Variants in FOXP2 observed in about 807,000 individuals in gnomAD.
FOXP2 encodes forkhead box protein P2.
In FOXP2, 12 loss-of-function variants were observed where a neutral mutation model predicts 115.8. The ratio of observed to expected loss-of-function variants is 0.10; its 90% CI spans 0.07 to 0.17. The LOEUF (loss-of-function observed/expected upper bound fraction) is 0.17. FOXP2 is among the 10% of genes least tolerant of loss of function. The pLI is 1.00. For missense variants in FOXP2, 629 were observed against 843.5 expected, an observed-to-expected ratio of 0.75 and a Z score of 3.15; for synonymous variants, 328 against 297.7, an observed-to-expected ratio of 1.10 and a Z score of -1.05.
chr7:114,176,465 G>A (rs1019730714), intron 1 of FOXP2, among the ~76,000 whole-genome samples: 1 of 151,472 alleles, frequency 6.6e-6, no homozygotes, highest in African/African-American at 2.4e-5. Flanking sequence ...CAGCTCCCCT[G>A]AGTAGCTGGG....
intron 10 of FOXP2, among the ~76,000 whole-genome samples, chr7:114,657,089 A>T (rs1806630420): frequency 6.6e-6 from 1 of 152,150 alleles, no homozygotes; most frequent in South Asian, 2.1e-4. Context: ...ATACCATTTA[A>T]ATGTATGGCA....
At chr7:114,439,943 A>G (rs912258379) in intron 2 of FOXP2, among the ~76,000 whole-genome samples, 1 of 152,176 alleles carries the variant, frequency 6.6e-6, no homozygotes, top group Admixed American at 6.5e-5. Context: ...ATGCCCAGTA[A>G]AGATGGTTGC....
intron 1 of FOXP2, among the ~76,000 whole-genome samples, chr7:114,124,785 T>C (rs1791661175): frequency 6.6e-6 from 1 of 151,924 alleles, no homozygotes; most frequent in Admixed American, 6.6e-5. Flanking sequence ...CCTTTCTCCA[T>C]TCCCTCCATT....
chr7:114,488,270 C>T (rs1014120064), intron 2 of FOXP2, among the ~76,000 whole-genome samples: 5 of 152,090 alleles, frequency 3.3e-5, no homozygotes, highest in African/African-American at 1.2e-4. Context: ...ATTCAGTTAC[C>T]TCCCACCGGG....
intron 2 of FOXP2, among the ~76,000 whole-genome samples, chr7:114,363,857 A>G (rs1791812761): frequency 6.6e-6 from 1 of 152,134 alleles, no homozygotes; most frequent in African/African-American, 2.4e-5. Context: ...ATGACAAGGG[A>G]GCAAACTTAT....
intron 2 of FOXP2, among the ~76,000 whole-genome samples, chr7:114,511,851 A>T (rs1798094339): frequency 6.6e-6 from 1 of 152,074 alleles, no homozygotes; most frequent in Non-Finnish European, 1.5e-5. Context: ...ATTCTGCATA[A>T]TCATTTACTT....
intron 2 of FOXP2, among the ~76,000 whole-genome samples, chr7:114,492,740 A>C (rs528707626): frequency 5.9e-5 from 9 of 151,758 alleles, no homozygotes; most frequent in Non-Finnish European, 8.8e-5. Context: ...GTTTCTTAAT[A>C]CTGAGTTCTA....
intron 2 of FOXP2, among the ~76,000 whole-genome samples, chr7:114,512,512 C>A (rs1798125416): frequency 6.6e-6 from 1 of 152,100 alleles, no homozygotes; most frequent in East Asian, 1.9e-4. Flanking sequence ...TGTAACAGTT[C>A]TCATGGAAGC....
chr7:114,685,043 T>C (rs1298348226), intron 16 of FOXP2, among the ~76,000 whole-genome samples: 1 of 152,116 alleles, frequency 6.6e-6, no homozygotes, highest in Non-Finnish European at 1.5e-5. Context: ...ATAACACTGA[T>C]AAACATCTCT....
intron 2 of FOXP2, among the ~76,000 whole-genome samples, chr7:114,528,453 A>G (rs1798979494): frequency 6.6e-6 from 1 of 152,066 alleles, no homozygotes; most frequent in African/African-American, 2.4e-5. Flanking sequence ...CACCCCTTCT[A>G]TCTCCACAAG....
At chr7:114,463,611 T>C (rs1204561576) in intron 2 of FOXP2, among the ~76,000 whole-genome samples, 1 of 152,224 alleles carries the variant, frequency 6.6e-6, no homozygotes, top group Non-Finnish European at 1.5e-5. Context: ...TGTAATCATT[T>C]TATGGGAAAT....
At chr7:114,463,832 A>C (rs950656738) in intron 2 of FOXP2, among the ~76,000 whole-genome samples, 1 of 152,196 alleles carries the variant, frequency 6.6e-6, no homozygotes, top group Admixed American at 6.5e-5. Flanking sequence ...TATTATTTCA[A>C]TACAAGTGTC....
chr7:114,360,258 G>A (rs1791715394), intron 2 of FOXP2, among the ~76,000 whole-genome samples: 1 of 152,112 alleles, frequency 6.6e-6, no homozygotes, highest in Non-Finnish European at 1.5e-5. Flanking sequence ...GGCCTCCCCA[G>A]CCATGTGAAG....
intron 3 of FOXP2, among the ~76,000 whole-genome samples, chr7:114,578,654 T>C (rs1801692730): frequency 6.6e-6 from 1 of 152,116 alleles, no homozygotes; most frequent in South Asian, 2.1e-4. Flanking sequence ...TGATCACATT[T>C]ACCTATGAAA....
intron 2 of FOXP2, among the ~76,000 whole-genome samples, chr7:114,500,856 G>T (rs1013066080): frequency 6.6e-6 from 1 of 152,172 alleles, no homozygotes; most frequent in African/African-American, 2.4e-5. Flanking sequence ...GATAAAGATG[G>T]GGAATTGTTG....
chr7:114,330,700 CT>C (rs1298369231), intron 2 of FOXP2, among the ~76,000 whole-genome samples: 3 of 151,728 alleles, frequency 2.0e-5, no homozygotes, highest in African/African-American at 7.3e-5. Context: ...CAGAAGTCCC[CT>C]AATTACCTTT....
At position 114,690,591 on chromosome 7, in the gene FOXP2, T is replaced by C. The variant is rs1188879323; in HGVS notation, c.*665T>C. 2.2e-6 allele frequency: 1 copy of C among 454,110 alleles called. No homozygotes were observed. Among genetic ancestry groups the C allele is most frequent in the East Asian group, 6.9e-5 (1 of 14,400 alleles). The allele number at this position is 454,110 out of a possible 1,614,324, so 28.1% of individuals were successfully genotyped here. ...ACCTTAGGCTTCCAGTCTGTGCTGT[T>C]AGTGTTAAGATGTAAAGTGCAATCC... On this transcript the variant is annotated 3_prime_UTR_variant, in exon 17 of 17. Coordinates refer to ENST00000350908, the MANE Select transcript of FOXP2 (RefSeq NM_014491.4).
intron 3 of FOXP2, among the ~76,000 whole-genome samples, chr7:114,541,572 G>T (rs1055560864): frequency 6.6e-6 from 1 of 151,954 alleles, no homozygotes; most frequent in Non-Finnish European, 1.5e-5. Flanking sequence ...CTTAGGATCT[G>T]CAGTAGTAAT....
At chr7:114,465,839 T>C (rs1313629270) in intron 2 of FOXP2, among the ~76,000 whole-genome samples, 1 of 152,142 alleles carries the variant, frequency 6.6e-6, no homozygotes, top group East Asian at 1.9e-4. Flanking sequence ...CATGGCTAAG[T>C]GCTTTAATGA....
Sources: gnomAD v4.1 joint callset for allele counts (sites outside exome capture counted in the v4.1 genomes callset) on GRCh38, gnomAD v4.1.1 for gene constraint, MANE v1.5 for transcripts, NCBI Gene and HGNC (gene_info 2026-07-23, HGNC 2026-07-21) for gene names.